Variants in PDE3B observed in about 807,000 individuals in gnomAD.
PDE3B encodes cGMP-inhibited 3',5'-cyclic phosphodiesterase 3B.
Under a neutral mutation model 116.8 loss-of-function variants are expected in PDE3B, and 66 were observed. The ratio of observed to expected loss-of-function variants is 0.56; its 90% CI spans 0.46 to 0.69. The LOEUF (loss-of-function observed/expected upper bound fraction) is 0.69. PDE3B is among the 30% of genes least tolerant of loss of function. The pLI, the probability that PDE3B is intolerant of heterozygous loss-of-function variation, is 0.00. For synonymous variants in PDE3B, 595 were observed against 533.6 expected (o/e 1.12, Z -1.59); for missense variants, 1,384 against 1,368.1 (o/e 1.01, Z -0.18).
At chr11:14,769,505 GC>G (rs1857579800) in intron 1 of PDE3B, among the ~76,000 whole-genome samples, 1 of 150,294 alleles carries the variant, frequency 6.7e-6, no homozygotes, top group Non-Finnish European at 1.5e-5. Context: ...CAAAATATAA[GC>G]TAAGATGAGA....
Position 14,843,882 on chromosome 11 carries a change from C to T in PDE3B, c.2376C>T (p.Cys792=), listed in dbSNP as rs540319052. 1 of 1,614,106 alleles carries T rather than the reference C, an allele frequency of 6.2e-7. No homozygotes were observed. Among genetic ancestry groups the T allele is most frequent in the South Asian group, 1.1e-5 (1 of 91,080 alleles). The change falls in exon 12 of 16, where the codon TGC becomes TGT. Residue 792 remains cysteine, a synonymous_variant. Coordinates refer to ENST00000282096, the MANE Select transcript of PDE3B (RefSeq NM_000922.4). ...GRIAYISSKS[C]SNPDESYGCL... is the part of the protein sequence containing the mutation. Reference sequence around the variant, plus strand: ...TTGCTTATATTTCTTCGAAGAGCTGCTCTAATCCTGATGAGAGTTATGGCT... The same window carrying T: ...TTGCTTATATTTCTTCGAAGAGCTGTTCTAATCCTGATGAGAGTTATGGCT...
At chr11:14,655,786 G>A (rs1201710616) in intron 1 of PDE3B, among the ~76,000 whole-genome samples, 1 of 152,114 alleles carries the variant, frequency 6.6e-6, no homozygotes, top group Admixed American at 6.6e-5. Context: ...ACCATGTGAT[G>A]GTAAAATTCA....
At chr11:14,669,729 G>C (rs922191581) in intron 1 of PDE3B, among the ~76,000 whole-genome samples, 1 of 151,154 alleles carries the variant, frequency 6.6e-6, no homozygotes, top group Non-Finnish European at 1.5e-5. Context: ...TTCTGTCCTT[G>C]CGATAGCACT....
intron 1 of PDE3B, among the ~76,000 whole-genome samples, chr11:14,751,474 T>C (rs1167585776): frequency 6.6e-6 from 1 of 152,234 alleles, no homozygotes; most frequent in African/African-American, 2.4e-5. Flanking sequence ...TATAAACTTA[T>C]ACTAATCACT....
In PDE3B at chr11:14,831,639, G is replaced by C; in HGVS notation, c.1957-1G>C. 1.3e-6 allele frequency: 2 copies of C among 1,559,542 alleles called. No individual in the cohort carries two copies. The highest frequency in any genetic ancestry group is 1.7e-6 in the Non-Finnish European group (2 of 1,148,202). ...AAGTTGTTGTTTCCCTGTATGTACA[G>C]ATTGAACAGGAAGTATCACTGGACC... On this transcript the variant is annotated splice_acceptor_variant, in intron 8 of 15. Transcript: ENST00000282096. LOFTEE classifies it high-confidence loss of function.
At chr11:14,852,535 G>A (rs1214799568) in intron 12 of PDE3B, among the ~76,000 whole-genome samples, 1 of 152,202 alleles carries the variant, frequency 6.6e-6, no homozygotes, top group Admixed American at 6.5e-5. Context: ...CAGTTGTGAA[G>A]TCTGAACATG....
At chr11:14,704,080 T>C (rs180792352) in intron 1 of PDE3B, among the ~76,000 whole-genome samples, 239 of 151,940 alleles carry the variant, frequency 1.6e-3, no homozygotes, top group African/African-American at 5.7e-3. Context: ...ATATTAGGTC[T>C]ATAGATTTAA....
Position 14,861,327 on chromosome 11 carries a change from G to A in PDE3B, c.2847G>A (p.Leu949=). The change falls in exon 14 of 16, where the codon TTG becomes TTA. Residue 949 remains leucine, a synonymous_variant. Transcript: ENST00000282096. ...NGPAKVRDLH[L]KWTEGIVNEF... is the part of the protein sequence containing the mutation. The stretch of plus-strand genomic sequence containing the variant: ...CAGCAAAAGTTCGAGACTTGCATTT[G>A]AAATGGACAGAAGGCATTGTCAATG... The A allele has an allele frequency of 6.2e-7, 1 of 1,613,752 alleles. No individual in the cohort carries two copies. Among genetic ancestry groups the A allele is most frequent in the Non-Finnish European group, 8.5e-7 (1 of 1,179,760 alleles).
chr11:14,780,616 A>G (rs899632806), intron 2 of PDE3B, among the ~76,000 whole-genome samples: 6 of 152,232 alleles, frequency 3.9e-5, no homozygotes, highest in African/African-American at 1.2e-4. Context: ...TGTGAAACCA[A>G]CGAGAACAAA....
the PDE3B span, chr11:14,880,568 T>C: frequency 1.2e-6 from 2 of 1,613,440 alleles, no homozygotes; most frequent in Non-Finnish European, 1.7e-6. Context: ...AGATTGGTTA[T>C]GTTTGAAACA....
chr11:14,846,771 A>G (rs1179222697), intron 12 of PDE3B, among the ~76,000 whole-genome samples: 1 of 152,158 alleles, frequency 6.6e-6, no homozygotes, highest in Non-Finnish European at 1.5e-5. Flanking sequence ...AAAGGGATCA[A>G]TTCAACAAGA....
intron 1 of PDE3B, among the ~76,000 whole-genome samples, chr11:14,666,999 G>T (rs1854177292): frequency 6.6e-6 from 1 of 151,938 alleles, no homozygotes; most frequent in South Asian, 2.1e-4. Context: ...GTTTATTGCG[G>T]CATTATTCAC....
At chr11:14,853,841 A>G (rs1847801188) in intron 12 of PDE3B, among the ~76,000 whole-genome samples, 1 of 152,234 alleles carries the variant, frequency 6.6e-6, no homozygotes, top group South Asian at 2.1e-4. Context: ...AAGTTGGCTG[A>G]AAGATGCAGG....
At chr11:14,850,911 C>G (rs951317357) in intron 12 of PDE3B, among the ~76,000 whole-genome samples, 5 of 151,826 alleles carry the variant, frequency 3.3e-5, no homozygotes, top group Admixed American at 6.6e-5. Context: ...TTACTGCAAG[C>G]TCCGCCCCCC....
At chr11:14,733,517 A>G (rs958872491) in intron 1 of PDE3B, among the ~76,000 whole-genome samples, 7 of 152,198 alleles carry the variant, frequency 4.6e-5, no homozygotes, top group African/African-American at 1.7e-4. Context: ...TAGTGATTTT[A>G]TTAAGGTGTG....
At chr11:14,753,613 C>A (rs1857111348) in intron 1 of PDE3B, among the ~76,000 whole-genome samples, 1 of 151,962 alleles carries the variant, frequency 6.6e-6, no homozygotes, top group African/African-American at 2.4e-5. Context: ...TTCTACCAGG[C>A]AGAAGAATTG....
At chr11:14,682,766 T>C (rs1210720901) in intron 1 of PDE3B, among the ~76,000 whole-genome samples, 1 of 151,966 alleles carries the variant, frequency 6.6e-6, no homozygotes, top group Non-Finnish European at 1.5e-5. Context: ...ATGAGGGACA[T>C]AGGCCTGTAG....
chr11:14,892,364 C>T, the PDE3B span: 2 of 690,716 alleles, frequency 2.9e-6, no homozygotes, highest in Non-Finnish European at 4.8e-6. Flanking sequence ...GGGACAACTA[C>T]CTTCTAGTTT....
intron 1 of PDE3B, among the ~76,000 whole-genome samples, chr11:14,721,235 C>T (rs886560958): frequency 3.9e-5 from 6 of 152,202 alleles, no homozygotes; most frequent in Non-Finnish European, 7.3e-5. Flanking sequence ...TACCATCTCA[C>T]ACCAGTTAGA....
Sources: gnomAD v4.1 joint callset for allele counts (sites outside exome capture counted in the v4.1 genomes callset) on GRCh38, gnomAD v4.1.1 for gene constraint, MANE v1.5 for transcripts, NCBI Gene and HGNC (gene_info 2026-07-23, HGNC 2026-07-21) for gene names.